DPYSL2: variants seen among roughly 807,000 people sequenced by gnomAD.
DPYSL2 encodes the protein dihydropyrimidinase-related protein 2.
Under a neutral mutation model 69.9 loss-of-function variants are expected in DPYSL2, and 13 were observed. The ratio of observed to expected loss-of-function variants is 0.19; its 90% CI spans 0.12 to 0.30. DPYSL2 has a LOEUF of 0.30. DPYSL2 is among the 10% of genes least tolerant of loss of function. The probability of loss-of-function intolerance (pLI) is 1.00; values close to 1 mark genes in which losing one functional copy is unlikely to be tolerated. For synonymous variants in DPYSL2, 326 were observed against 359.1 expected (o/e 0.91, Z 1.04); for missense variants, 587 against 918.9 (o/e 0.64, Z 4.67).
chr8:26,575,778 A>G (rs1178873012), intron 1 of DPYSL2, among the ~76,000 whole-genome samples: 3 of 152,216 alleles, frequency 2.0e-5, no homozygotes, highest in Non-Finnish European at 4.4e-5. Flanking sequence ...GAATACAACA[A>G]GAATACAAAC....
intron 1 of DPYSL2, among the ~76,000 whole-genome samples, chr8:26,537,547 C>T (rs2117619128): frequency 6.6e-6 from 1 of 151,318 alleles, no homozygotes; most frequent in Non-Finnish European, 1.5e-5. Context: ...TTTTTGTAGA[C>T]CTTTCACCTA....
In DPYSL2 at chr8:26,580,496, G is replaced by A. The variant is rs1585522077; in HGVS notation, c.355-1473G>A. On this transcript the variant is annotated intron_variant, in intron 1 of 13. Transcript: ENST00000521913. The surrounding 1 kb of genome is among the most constrained non-coding windows in gnomAD (Gnocchi z 4.1). ...TCTCCTTTGACTTTCCAAAGTCTAC[G>A]TGAGGATCAGGGACCCTGCAGTGTA... Among the ~76,000 whole-genome samples the A allele has an allele frequency of 2.0e-5, 3 of 152,186 alleles. No homozygotes were observed. In the South Asian group the frequency reaches 6.2e-4, roughly 32 times the overall value.
intron 1 of DPYSL2, among the ~76,000 whole-genome samples, chr8:26,518,176 A>G (rs1324705493): frequency 6.6e-6 from 1 of 152,228 alleles, no homozygotes; most frequent in Admixed American, 6.5e-5. Flanking sequence ...AGCCTGTTAA[A>G]CAAAACGAAT....
At chr8:26,577,190 C>G (rs999179611) in intron 1 of DPYSL2, 1 of 442,852 alleles carries the variant, frequency 2.3e-6, no homozygotes, top group Non-Finnish European at 4.5e-6. Context: ...TCCACGCGGG[C>G]CAGATCCCGT....
Position 26,655,793 on chromosome 8 carries a change from T to TTTG in DPYSL2, c.*89_*90insGTT. The TTTG allele has an allele frequency of 1.6e-6, 2 of 1,281,430 alleles. No individual in the cohort carries two copies. Among genetic ancestry groups the TTTG allele is most frequent in the Non-Finnish European group, 2.1e-6 (2 of 959,020 alleles). The allele number at this position is 1,281,430 out of a possible 1,614,324, so 79.4% of individuals were successfully genotyped here. ...CTTCTTTCTTCCTTCCTTTTTTTTT[T>TTTG]TTTGTTTTTTTTTTTAAGAGCCTGT... On this transcript the variant is annotated 3_prime_UTR_variant, in exon 14 of 14. Coordinates refer to ENST00000521913, the MANE Select transcript of DPYSL2 (RefSeq NM_001197293.3).
rs1802560662 is a variant in DPYSL2 at position 26,624,061 on chromosome 8, C to T, written c.629-82C>T. The T allele has an allele frequency of 2.0e-6, 3 of 1,483,564 alleles. No individual in the cohort carries two copies. The highest frequency in any genetic ancestry group is 1.4e-5 in the African/African-American group (1 of 71,924). The allele number at this position is 1,483,564 out of a possible 1,614,324, so 91.9% of individuals were successfully genotyped here. A position where few individuals can be genotyped will look rare whatever the true frequency, so the allele number is the denominator to read the frequency against. On this transcript the variant is annotated intron_variant, in intron 3 of 13. Coordinates refer to ENST00000521913, the MANE Select transcript of DPYSL2 (RefSeq NM_001197293.3). This position sits in a 1 kb window ranked among gnomAD's most constrained non-coding sequence, Gnocchi z 4.7. ...GATTTTGAACCCAAGAAGCCTTATT[C>T]AGGGTTCAAGTGGGAAAATACCTGC...
intron 7 of DPYSL2, among the ~76,000 whole-genome samples, chr8:26,629,716 G>A (rs75470340): frequency 0.13 from 20,513 of 152,172 alleles, 1,596 homozygotes; most frequent in Non-Finnish European, 0.18. Flanking sequence ...AAGATCAGCC[G>A]ACCATAAACA....
intron 1 of DPYSL2, among the ~76,000 whole-genome samples, chr8:26,535,037 T>C (rs1800569454): frequency 6.6e-6 from 1 of 152,218 alleles, no homozygotes; most frequent in Non-Finnish European, 1.5e-5. Context: ...TAGTCCAAGC[T>C]GCCATAAAAA....
intron 1 of DPYSL2, chr8:26,577,766 G>C: frequency 1.0e-6 from 1 of 982,750 alleles, no homozygotes; most frequent in South Asian, 4.6e-5. Flanking sequence ...GCCCCCGGCC[G>C]TTCACTGCCG....
chr8:26,536,386 A>G (rs565772667), intron 1 of DPYSL2, among the ~76,000 whole-genome samples: 1 of 151,982 alleles, frequency 6.6e-6, no homozygotes, highest in South Asian at 2.1e-4. Flanking sequence ...AAAGTAAATT[A>G]TAGGCCAGGC....
At chr8:26,578,182 A>G (rs1302681528) in intron 1 of DPYSL2, 3 of 1,607,478 alleles carry the variant, frequency 1.9e-6, no homozygotes, top group Non-Finnish European at 2.5e-6. Context: ...AAACAAAAAA[A>G]ACCCAAGTCC....
rs1808253059 is a variant in DPYSL2, at chr8:26,514,967, C to T, written c.354+288C>T. On this transcript the variant is annotated intron_variant, in intron 1 of 13. Transcript: ENST00000521913. The surrounding 1 kb of genome is among the most constrained non-coding windows in gnomAD (Gnocchi z 8.4). ...ATCCCCTGCTGGGGCGGGCGGTGGT[C>T]GTCTGGGAGGGGGTTGGCCGCGGTT... Among the ~76,000 whole-genome samples the T allele has an allele frequency of 6.6e-6, 1 of 152,184 alleles. No individual in the cohort carries two copies. The highest frequency in any genetic ancestry group is 1.5e-5 in the Non-Finnish European group (1 of 68,018).
At chr8:26,616,353 G>A (rs1802347077) in intron 3 of DPYSL2, among the ~76,000 whole-genome samples, 1 of 152,188 alleles carries the variant, frequency 6.6e-6, no homozygotes, top group South Asian at 2.1e-4. Context: ...CTGCCTGGTT[G>A]ATGAGGTCAC....
chr8:26,627,983 G>A lies in DPYSL2; in HGVS notation c.1005+43G>A. The A allele has an allele frequency of 6.3e-7, 1 of 1,597,840 alleles. No homozygotes were observed. Among genetic ancestry groups the A allele is most frequent in the Non-Finnish European group, 8.5e-7 (1 of 1,171,910 alleles). ...GGAATGCGTGAATCAGTGTCCCTTG[G>A]GCACTGTGCAGAGCCTCAGGGAACC... On this transcript the variant is annotated intron_variant, in intron 7 of 13. Coordinates refer to ENST00000521913, the MANE Select transcript of DPYSL2 (RefSeq NM_001197293.3). The surrounding 1 kb of genome is among the most constrained non-coding windows in gnomAD (Gnocchi z 6.9).
intron 3 of DPYSL2, among the ~76,000 whole-genome samples, chr8:26,602,989 G>A (rs940460468): frequency 1.3e-5 from 2 of 152,198 alleles, no homozygotes; most frequent in African/African-American, 2.4e-5. Flanking sequence ...GGAGAAGGGA[G>A]TGTCCACCCA....
chr8:26,571,454 CCCTTT>C lies in DPYSL2; in HGVS notation c.355-10514_355-10510del, dbSNP rs1453886509. On this transcript the variant is annotated intron_variant, in intron 1 of 13. Transcript: ENST00000521913. This position sits in a 1 kb window ranked among gnomAD's most constrained non-coding sequence, Gnocchi z 6.1. ...TGAGGCACGATGGCTGAGCTAGGTG[CCCTTT>C]GTCCCCATCAGGGATAGAAAGACCC... is the stretch of plus-strand genomic sequence containing the variant. 1.3e-5 allele frequency among the ~76,000 whole-genome samples: 2 copies of C among 152,144 alleles called. No homozygotes were observed. Among genetic ancestry groups the C allele is most frequent in the Non-Finnish European group, 2.9e-5 (2 of 68,030 alleles).
intron 1 of DPYSL2, among the ~76,000 whole-genome samples, chr8:26,551,660 A>G (rs892944889): frequency 6.6e-6 from 1 of 152,198 alleles, no homozygotes; most frequent in Non-Finnish European, 1.5e-5. Flanking sequence ...GGGACATGGA[A>G]CATTCACCAT....
intron 7 of DPYSL2, among the ~76,000 whole-genome samples, chr8:26,630,323 T>C (rs1051832773): frequency 2.0e-5 from 3 of 152,180 alleles, no homozygotes; most frequent in Non-Finnish European, 2.9e-5. Context: ...GTTTAAACCA[T>C]GGCAGCATAA....
rs909011662 is a variant in DPYSL2 at position 26,565,965 on chromosome 8, C to G, written c.355-16004C>G. Among the ~76,000 whole-genome samples the G allele has an allele frequency of 6.6e-6, 1 of 152,200 alleles. No homozygotes were observed. Among genetic ancestry groups the G allele is most frequent in the Non-Finnish European group, 1.5e-5 (1 of 68,040 alleles). ...TGCGTTGGCTAGAACTCTGTCACATCTCACTGCCGATGAGGGTGGGAAATG... is the reference window on the plus strand; with the variant it reads ...TGCGTTGGCTAGAACTCTGTCACATGTCACTGCCGATGAGGGTGGGAAATG... On this transcript the variant is annotated intron_variant, in intron 1 of 13. Coordinates refer to ENST00000521913, the MANE Select transcript of DPYSL2 (RefSeq NM_001197293.3). The surrounding 1 kb of genome is among the most constrained non-coding windows in gnomAD (Gnocchi z 4.1).
Sources: gnomAD v4.1 joint callset for allele counts (sites outside exome capture counted in the v4.1 genomes callset) on GRCh38, gnomAD v4.1.1 for gene constraint, Gnocchi (gnomAD v3.1) non-coding constraint, MANE v1.5 for transcripts, NCBI Gene and HGNC (gene_info 2026-07-23, HGNC 2026-07-21) for gene names.